CLCN3: variants seen among roughly 807,000 people sequenced by gnomAD.
CLCN3 encodes the protein H(+)/Cl(-) exchange transporter 3.
A neutral mutation model predicts 83.4 loss-of-function variants in CLCN3; 16 were observed. The observed-to-expected ratio is 0.19, with a 90% CI of 0.13 to 0.29. CLCN3 has a LOEUF of 0.29. Among genes scored for constraint, CLCN3 ranks in the 10% least tolerant of loss-of-function variants. CLCN3 has a pLI of 1.00. For missense variants in CLCN3, 544 were observed against 1,006.0 expected (o/e 0.54, Z 6.21); for synonymous variants, 322 against 346.2 (o/e 0.93, Z 0.78).
Position 169,713,309 on chromosome 4 carries a change from C to A in CLCN3, c.2366+14C>A. ...AACTCACAATGGGTAAGTCTGGTACCACAGGAATCAGTTCACTTGCTAGAA... is the reference window on the plus strand; with the variant it reads ...AACTCACAATGGGTAAGTCTGGTACAACAGGAATCAGTTCACTTGCTAGAA... On this transcript the variant is annotated intron_variant, in intron 12 of 12. Coordinates refer to ENST00000513761, the MANE Select transcript of CLCN3 (RefSeq NM_001829.4). The A allele has an allele frequency of 6.3e-7, 1 of 1,576,216 alleles. No individual in the cohort carries two copies. The highest frequency in any genetic ancestry group is 8.7e-7 in the Non-Finnish European group (1 of 1,145,808).
chr4:169,657,937 C>A (rs562444355), intron 2 of CLCN3, among the ~76,000 whole-genome samples: 1 of 152,290 alleles, frequency 6.6e-6, no homozygotes, highest in African/African-American at 2.4e-5. Flanking sequence ...TTTGCCACAT[C>A]TTCCAGTCTA....
intron 3 of CLCN3, among the ~76,000 whole-genome samples, chr4:169,685,875 AAT>A (rs1732133789): frequency 6.6e-6 from 1 of 152,340 alleles, no homozygotes; most frequent in Non-Finnish European, 1.5e-5. Context: ...AATTCTAAAG[AAT>A]GGTTAATATC....
In CLCN3 at chr4:169,656,712, G is replaced by A. The variant is rs370530154; in HGVS notation, c.160+20624G>A. ...TAAGCATTCTTTTAAAAATCTTTTT[G>A]GCTTGGTGCAGTGGACAGTGTTGGG... On this transcript the variant is annotated intron_variant, in intron 2 of 12. Coordinates refer to ENST00000513761, the MANE Select transcript of CLCN3 (RefSeq NM_001829.4). Among the ~76,000 whole-genome samples, 17 of 152,178 alleles carry A rather than the reference G, an allele frequency of 1.1e-4. No individual in the cohort carries two copies. The South Asian group carries it at 3.5e-3, about 32-fold the overall frequency.
At chr4:169,660,321 A>T in intron 2 of CLCN3, 1 of 1,372,652 alleles carries the variant, frequency 7.3e-7, no homozygotes, top group South Asian at 1.9e-5. Flanking sequence ...TTTTTAAGCT[A>T]GCAAGCTTTT....
intron 1 of CLCN3, among the ~76,000 whole-genome samples, chr4:169,621,317 ATTAACT>A (rs376547058): frequency 1.1e-3 from 163 of 152,348 alleles, no homozygotes; most frequent in African/African-American, 3.5e-3. Context: ...CCAGGAGAAG[ATTAACT>A]TTAAACTTAG....
intron 2 of CLCN3, among the ~76,000 whole-genome samples, chr4:169,645,759 T>C (rs1457849392): frequency 1.3e-5 from 2 of 152,196 alleles, no homozygotes; most frequent in Non-Finnish European, 2.9e-5. Context: ...ACTTTTACTT[T>C]GCTTCTTAAA....
chr4:169,699,979 C>T (rs747866767), intron 9 of CLCN3, among the ~76,000 whole-genome samples: 41 of 152,142 alleles, frequency 2.7e-4, no homozygotes, highest in Non-Finnish European at 5.1e-4. Context: ...GCTGTTAAAG[C>T]TCTTTTTCCT....
chr4:169,683,853 C>T (rs1299165706), intron 3 of CLCN3, among the ~76,000 whole-genome samples: 4 of 151,814 alleles, frequency 2.6e-5, no homozygotes, highest in Admixed American at 6.6e-5. Context: ...AAGCAGCTCT[C>T]GTGCTTCAGC....
chr4:169,687,842 T>C, intron 4 of CLCN3, 85 bp downstream of exon 4: 1 of 645,754 alleles, frequency 1.5e-6, no homozygotes, highest in Non-Finnish European at 2.6e-6. Context: ...TTTTTTCAGG[T>C]ACCATTGGAT....
chr4:169,696,807 T>C (rs983475877), intron 8 of CLCN3, among the ~76,000 whole-genome samples: 9 of 143,424 alleles, frequency 6.3e-5, no homozygotes, highest in South Asian at 2.1e-4. Flanking sequence ...TTTAGTTGTT[T>C]GTATTCTTTT....
chr4:169,696,935 A>G (rs1376082937), intron 8 of CLCN3, among the ~76,000 whole-genome samples: 1 of 152,112 alleles, frequency 6.6e-6, no homozygotes, highest in African/African-American at 2.4e-5. Context: ...TTTTGAATAT[A>G]AAACAGCACT....
At chr4:169,709,821 C>T (rs890779136) in intron 11 of CLCN3, among the ~76,000 whole-genome samples, 28 of 152,092 alleles carry the variant, frequency 1.8e-4, no homozygotes, top group Admixed American at 1.7e-3. Context: ...ATTTAAAAGG[C>T]CCTTGAATGA....
chr4:169,668,043 A>ATTTT lies in CLCN3; in HGVS notation c.161-11987_161-11984dup, dbSNP rs60739106. On this transcript the variant is annotated intron_variant, in intron 2 of 12. Coordinates refer to ENST00000513761, the MANE Select transcript of CLCN3 (RefSeq NM_001829.4). Reference sequence around the variant, plus strand: ...TGTGAGCCACCGCGCCCGGCCAGACATTTTTTTTTTTTTTTTTTTTTTTGC... The same window carrying ATTTT: ...TGTGAGCCACCGCGCCCGGCCAGACATTTTTTTTTTTTTTTTTTTTTTTTTTTGC... Among the ~76,000 whole-genome samples, 86 of 82,256 alleles carry ATTTT rather than the reference A, an allele frequency of 1.0e-3. 1 individual carries two copies. Among genetic ancestry groups the ATTTT allele is most frequent in the African/African-American group, 2.9e-3 (60 of 21,052 alleles). 54.0% of individuals were successfully genotyped at this position (82,256 alleles called of 152,430 possible).
intron 6 of CLCN3, 52 bp from the exon 7 acceptor site, chr4:169,692,062 C>T (rs1391015820): frequency 2.7e-6 from 3 of 1,127,618 alleles, no homozygotes; most frequent in African/African-American, 1.5e-5. Context: ...GGATTCGTTA[C>T]ATTCTCATGT....
At chr4:169,680,732 T>A (rs949855838) in intron 3 of CLCN3, 4 of 152,352 alleles carry the variant, frequency 2.6e-5, no homozygotes, top group African/African-American at 9.6e-5. Flanking sequence ...AGTGTTGTAA[T>A]GGTTTACTGT....
intron 9 of CLCN3, chr4:169,702,795 A>AAAAAAAG: frequency 6.6e-6 from 2 of 300,926 alleles, no homozygotes; most frequent in Admixed American, 3.7e-5. Flanking sequence ...AAAAAAAAAA[A>AAAAAAAG]AAGAAAGCCA....
chr4:169,632,919 C>T, intron 1 of CLCN3, among the ~76,000 whole-genome samples: 1 of 151,758 alleles, frequency 6.6e-6, no homozygotes, highest in African/African-American at 2.4e-5. Flanking sequence ...TCATCAGATT[C>T]GAAGGAAGCA....
At chr4:169,627,952 C>T (rs1249210372) in intron 1 of CLCN3, among the ~76,000 whole-genome samples, 4 of 152,112 alleles carry the variant, frequency 2.6e-5, no homozygotes, top group Non-Finnish European at 4.4e-5. Flanking sequence ...TAGATAAAGA[C>T]ACAGATCCGT....
At chr4:169,717,374 TG>T in intron 12 of CLCN3, among the ~76,000 whole-genome samples, 1 of 152,278 alleles carries the variant, frequency 6.6e-6, no homozygotes, top group East Asian at 1.9e-4. Context: ...TAGATCCAGA[TG>T]ATAACTGCTG....
Sources: gnomAD v4.1 joint callset for allele counts (sites outside exome capture counted in the v4.1 genomes callset) on GRCh38, gnomAD v4.1.1 for gene constraint, MANE v1.5 for transcripts, NCBI Gene and HGNC (gene_info 2026-07-23, HGNC 2026-07-21) for gene names.